Variants in ZFAND6 observed in about 807,000 individuals in gnomAD.
ZFAND6 encodes zinc finger AN1-type containing 6, also known as AN1-type zinc finger protein 6.
ZFAND6 carries 12 observed loss-of-function variants against 24.5 expected under a neutral mutation model. The observed-to-expected ratio is 0.49, with a 90% CI of 0.31 to 0.79. ZFAND6 has a LOEUF of 0.79. Ranked by LOEUF, ZFAND6 falls within the 30% of genes least tolerant of loss-of-function variation. ZFAND6 has a pLI of 0.04. For synonymous variants in ZFAND6, 92 were observed against 81.5 expected (o/e 1.13, Z -0.69); for missense variants, 207 against 245.9 (o/e 0.84, Z 1.06).
chr15:80,137,158 C>G (rs1362660321), intron 6 of ZFAND6, among the ~76,000 whole-genome samples: 1 of 152,234 alleles, frequency 6.6e-6, no homozygotes, highest in Admixed American at 6.5e-5. Flanking sequence ...CTTATTCTCA[C>G]ATCGTAGTGT....
intron 2 of ZFAND6, among the ~76,000 whole-genome samples, chr15:80,099,640 C>T (rs1205980958): frequency 5.7e-5 from 1 of 17,500 alleles, no homozygotes; most frequent in Non-Finnish European, 1.9e-4. Flanking sequence ...TTTTTCGAGA[C>T]GGAGTCTCAC....
intron 1 of ZFAND6, among the ~76,000 whole-genome samples, chr15:80,087,458 C>G (rs1335613683): frequency 1.3e-5 from 2 of 152,178 alleles, no homozygotes. Flanking sequence ...TGACTGTAGC[C>G]TCCTGTCATT....
intron 2 of ZFAND6, among the ~76,000 whole-genome samples, chr15:80,113,300 T>C (rs1416000160): frequency 2.0e-5 from 3 of 152,194 alleles, no homozygotes; most frequent in African/African-American, 7.2e-5. Flanking sequence ...TCTTCCTATT[T>C]TTCAACAGAA....
rs1313459647 is a variant in ZFAND6, at chr15:80,065,005, T to C, written c.-181+5196T>C. Reference sequence around the variant, plus strand: ...CTCTTGCTCTCTCTCTCTCCCCCTTTTTTTTTTTTTTTTTTTTAACAAAAC... The same window carrying C: ...CTCTTGCTCTCTCTCTCTCCCCCTTCTTTTTTTTTTTTTTTTTAACAAAAC... On this transcript the variant is annotated intron_variant, in intron 1 of 6. Coordinates refer to ENST00000261749, the MANE Select transcript of ZFAND6 (RefSeq NM_019006.4). Among the ~76,000 whole-genome samples, 513 of 97,226 alleles carry C rather than the reference T, an allele frequency of 5.3e-3. 3 individuals carry two copies. The highest frequency in any genetic ancestry group is 0.014 in the African/African-American group (416 of 29,370). The allele number at this position is 97,226 out of a possible 152,430, so 63.8% of individuals were successfully genotyped here.
At chr15:80,114,262 G>A (rs2039756761) in intron 2 of ZFAND6, among the ~76,000 whole-genome samples, 1 of 152,174 alleles carries the variant, frequency 6.6e-6, no homozygotes, top group African/African-American at 2.4e-5. Flanking sequence ...ACAAGTCCAA[G>A]CTTTTACAGG....
chr15:80,110,512 G>T (rs545984991), intron 2 of ZFAND6, among the ~76,000 whole-genome samples: 60 of 152,076 alleles, frequency 3.9e-4, no homozygotes, highest in African/African-American at 1.4e-3. Flanking sequence ...TACTTTTTAA[G>T]TGGAAATTGA....
intron 4 of ZFAND6, among the ~76,000 whole-genome samples, chr15:80,122,200 T>A: frequency 6.6e-6 from 1 of 152,192 alleles, no homozygotes; most frequent in Non-Finnish European, 1.5e-5. Flanking sequence ...GTACTCATAT[T>A]TGTTTATATT....
intron 2 of ZFAND6, among the ~76,000 whole-genome samples, chr15:80,106,585 G>GTT (rs3082081): frequency 0.11 from 14,149 of 131,212 alleles, 1,087 homozygotes; most frequent in East Asian, 0.41. Context: ...TGTTAAATTT[G>GTT]TTTTTTTTTT....
chr15:80,096,456 T>A (rs377720263), intron 1 of ZFAND6, among the ~76,000 whole-genome samples: 2 of 152,210 alleles, frequency 1.3e-5, no homozygotes, highest in African/African-American at 4.8e-5. Flanking sequence ...ATAACTCTTA[T>A]GAGATTTTGA....
At chr15:80,107,165 A>G (rs1249596049) in intron 2 of ZFAND6, among the ~76,000 whole-genome samples, 1 of 152,238 alleles carries the variant, frequency 6.6e-6, no homozygotes, top group Non-Finnish European at 1.5e-5. Context: ...CAGGGAGCCA[A>G]GATTGCGCCA....
chr15:80,120,248 A>C, intron 2 of ZFAND6, 80 bp from the exon 3 acceptor site: 1 of 1,208,418 alleles, frequency 8.3e-7, no homozygotes, highest in Non-Finnish European at 1.1e-6. Flanking sequence ...TTTTTTCTTT[A>C]TCATATAAAA....
At chr15:80,136,545 T>G (rs2040874492) in intron 6 of ZFAND6, among the ~76,000 whole-genome samples, 1 of 152,198 alleles carries the variant, frequency 6.6e-6, no homozygotes, top group Admixed American at 6.5e-5. Context: ...GATTTAATAA[T>G]TTTCATCTTG....
chr15:80,122,285 A>C (rs763472937), intron 4 of ZFAND6, among the ~76,000 whole-genome samples: 3 of 152,134 alleles, frequency 2.0e-5, no homozygotes, highest in Non-Finnish European at 4.4e-5. Context: ...TACTGGTTTC[A>C]TTTTTATTCT....
chr15:80,060,039 G>C (rs1411887564), intron 1 of ZFAND6: 1 of 150,868 alleles, frequency 6.6e-6, no homozygotes, highest in Non-Finnish European at 1.5e-5. Context: ...AGATCGGCGG[G>C]TTCACCTCAG....
intron 1 of ZFAND6, among the ~76,000 whole-genome samples, chr15:80,063,542 C>T (rs1276308064): frequency 2.0e-5 from 3 of 151,396 alleles, no homozygotes; most frequent in Non-Finnish European, 4.4e-5. Context: ...CAGACATGCA[C>T]CACCACGCCC....
chr15:80,078,535 CT>C (rs1240186707), intron 1 of ZFAND6, among the ~76,000 whole-genome samples: 1 of 152,146 alleles, frequency 6.6e-6, no homozygotes, highest in Admixed American at 6.5e-5. Flanking sequence ...GTGCATGTGT[CT>C]TTTTGGTAAA....
intron 1 of ZFAND6, chr15:80,060,145 A>C (rs1227897795): frequency 6.6e-6 from 1 of 151,454 alleles, no homozygotes; most frequent in Admixed American, 6.6e-5. Flanking sequence ...GGAGGCCGCG[A>C]CGCGCGCCGC....
intron 1 of ZFAND6, chr15:80,072,617 A>G (rs1362231021): frequency 2.0e-5 from 3 of 152,064 alleles, no homozygotes; most frequent in Non-Finnish European, 4.4e-5. Flanking sequence ...ATCTGAGGTG[A>G]AGCAAACAGA....
chr15:80,077,640 T>C (rs2037359464), intron 1 of ZFAND6, among the ~76,000 whole-genome samples: 1 of 151,628 alleles, frequency 6.6e-6, no homozygotes, highest in Non-Finnish European at 1.5e-5. Context: ...AAGGTAATTA[T>C]AAGCATAGTA....
Sources: gnomAD v4.1 joint callset for allele counts (sites outside exome capture counted in the v4.1 genomes callset) on GRCh38, gnomAD v4.1.1 for gene constraint, MANE v1.5 for transcripts, NCBI Gene and HGNC (gene_info 2026-07-23, HGNC 2026-07-21) for gene names.